Variants in GRM1 observed in about 807,000 individuals in gnomAD.
The protein encoded by GRM1 is metabotropic glutamate receptor 1.
GRM1 carries 33 observed loss-of-function variants against 90.9 expected under a neutral mutation model. That is an observed-to-expected ratio of 0.36 (90% confidence interval 0.28 to 0.49). The LOEUF is 0.49. GRM1 is among the 20% of genes least tolerant of loss of function. GRM1 has a pLI of 0.99. For synonymous variants in GRM1, 700 were observed against 613.2 expected (o/e 1.14, Z -2.09); for missense variants, 1,190 against 1,534.3 (o/e 0.78, Z 3.75).
At chr6:146,270,892 TCTTTCTTTCTTTCTTTCTTTCTTC>T (rs1321579149) in intron 2 of GRM1, among the ~76,000 whole-genome samples, 14 of 111,112 alleles carry the variant, frequency 1.3e-4, no homozygotes, top group Admixed American at 1.9e-4. Context: ...TTTCTTTCTT[TCTTTCTTTCTTTCTTTCTTTCTTC>T]CTTCCTTCCT....
intron 2 of GRM1, among the ~76,000 whole-genome samples, chr6:146,277,967 GA>G (rs1367162201): frequency 2.6e-5 from 4 of 151,998 alleles, no homozygotes; most frequent in Non-Finnish European, 5.9e-5. Flanking sequence ...TACATTAAGA[GA>G]AAAAAATTTA....
At chr6:146,295,079 C>T (rs1030472927) in intron 2 of GRM1, among the ~76,000 whole-genome samples, 1 of 152,032 alleles carries the variant, frequency 6.6e-6, no homozygotes, top group African/African-American at 2.4e-5. Context: ...CTTACCTTTC[C>T]AGTGCTCTCC....
At chr6:146,362,664 C>CAAAAAAAAAAAAAAAAAAAAAAAAAAAAA in intron 5 of GRM1, among the ~76,000 whole-genome samples, 1 of 86,198 alleles carries the variant, frequency 1.2e-5, no homozygotes. Flanking sequence ...GACTCCATCT[C>CAAAAAAAAAAAAAAAAAAAAAAAAAAAAA]AAAAAAAAAA....
intron 2 of GRM1, among the ~76,000 whole-genome samples, chr6:146,198,460 C>A (rs1188122775): frequency 2.0e-5 from 3 of 152,228 alleles, no homozygotes; most frequent in Admixed American, 6.5e-5. Flanking sequence ...GGGGGAAAGT[C>A]TCAGTGGTTG....
At chr6:146,099,374 T>TA (rs1265070117) in intron 1 of GRM1, among the ~76,000 whole-genome samples, 2 of 152,224 alleles carry the variant, frequency 1.3e-5, no homozygotes, top group East Asian at 3.9e-4. Context: ...AGACCCTGTC[T>TA]AAAAAATAAA....
intron 1 of GRM1, among the ~76,000 whole-genome samples, chr6:146,124,407 C>A (rs1776117868): frequency 6.6e-6 from 1 of 152,160 alleles, no homozygotes; most frequent in African/African-American, 2.4e-5. Flanking sequence ...CAGAGATTGT[C>A]TCTAAATTCA....
intron 2 of GRM1, among the ~76,000 whole-genome samples, chr6:146,298,033 A>G: frequency 6.6e-6 from 1 of 152,160 alleles, no homozygotes; most frequent in East Asian, 1.9e-4. Flanking sequence ...TAGTCATTGC[A>G]ATGACACTGC....
At chr6:146,151,312 A>G (rs989172500) in intron 1 of GRM1, among the ~76,000 whole-genome samples, 1 of 152,208 alleles carries the variant, frequency 6.6e-6, no homozygotes, top group African/African-American at 2.4e-5. Context: ...GTTTCCCCTG[A>G]TTTACTGATG....
At chr6:146,400,762 A>AT (rs1777130263) in intron 7 of GRM1, among the ~76,000 whole-genome samples, 1 of 152,098 alleles carries the variant, frequency 6.6e-6, no homozygotes, top group African/African-American at 2.4e-5. Flanking sequence ...CTTTCAAACA[A>AT]TCCTTTAAAA....
At chr6:146,366,042 C>A (rs1312132051) in intron 5 of GRM1, among the ~76,000 whole-genome samples, 2 of 152,150 alleles carry the variant, frequency 1.3e-5, no homozygotes, top group Admixed American at 6.6e-5. Flanking sequence ...AGAATGACAG[C>A]TCCTCAAAGG....
chr6:146,159,916 T>TAAA (rs566531460), intron 2 of GRM1: 2,020 of 66,274 alleles, frequency 0.03, 56 homozygotes, highest in African/African-American at 0.073. Context: ...ACCTTAACTA[T>TAAA]AAAAAAAAAA....
intron 1 of GRM1, among the ~76,000 whole-genome samples, chr6:146,118,543 T>G (rs1775853298): frequency 6.6e-6 from 1 of 152,222 alleles, no homozygotes; most frequent in Admixed American, 6.5e-5. Flanking sequence ...ACCCACCCAT[T>G]AACTCGTCAT....
intron 1 of GRM1, among the ~76,000 whole-genome samples, chr6:146,102,887 TC>T (rs1777097736): frequency 6.6e-6 from 1 of 152,228 alleles, no homozygotes; most frequent in Non-Finnish European, 1.5e-5. Context: ...TTTTGCAATT[TC>T]TTTTTCAATG....
intron 2 of GRM1, among the ~76,000 whole-genome samples, chr6:146,167,093 AT>A (rs1204754481): frequency 6.6e-6 from 1 of 152,110 alleles, no homozygotes; most frequent in East Asian, 1.9e-4. Flanking sequence ...CAACCACGGC[AT>A]TACACTTTGG....
At chr6:146,382,119 G>A (rs1745952470) in intron 5 of GRM1, among the ~76,000 whole-genome samples, 1 of 152,072 alleles carries the variant, frequency 6.6e-6, no homozygotes, top group Admixed American at 6.6e-5. Flanking sequence ...GGAAGTTTCA[G>A]TGAAATGTCA....
In GRM1 at chr6:146,382,911, G is replaced by A. The variant is rs139722025; in HGVS notation, c.1603-3979G>A. Among the ~76,000 whole-genome samples, 141 of 152,232 alleles carry A rather than the reference G, an allele frequency of 9.3e-4. 1 individual carries two copies. The highest frequency in any genetic ancestry group is 3.1e-3 in the African/African-American group (129 of 41,570). On this transcript the variant is annotated intron_variant, in intron 5 of 7. Coordinates refer to ENST00000282753, the MANE Select transcript of GRM1 (RefSeq NM_001278064.2). ...ACAGACTATTTGGATGATCTTGGCAGCTGTGTGCATCTTACTCTGGAGTGA... is the reference window on the plus strand; with the variant it reads ...ACAGACTATTTGGATGATCTTGGCAACTGTGTGCATCTTACTCTGGAGTGA...
chr6:146,199,753 C>T (rs978215577), intron 2 of GRM1, among the ~76,000 whole-genome samples: 14 of 152,034 alleles, frequency 9.2e-5, no homozygotes, highest in Non-Finnish European at 1.9e-4. Flanking sequence ...TATGGTGGCT[C>T]ATGCCTGTAA....
intron 1 of GRM1, among the ~76,000 whole-genome samples, chr6:146,042,760 A>G (rs1156293750): frequency 1.3e-5 from 2 of 151,976 alleles, no homozygotes; most frequent in East Asian, 3.9e-4. Context: ...TCACTATTGT[A>G]CAGCCCTCAG....
At chr6:146,371,931 G>T (rs1583403012) in intron 5 of GRM1, among the ~76,000 whole-genome samples, 1 of 152,098 alleles carries the variant, frequency 6.6e-6, no homozygotes, top group Non-Finnish European at 1.5e-5. Flanking sequence ...ACATAGGAGT[G>T]CAGATATCTC....
Sources: gnomAD v4.1 joint callset for allele counts (sites outside exome capture counted in the v4.1 genomes callset) on GRCh38, gnomAD v4.1.1 for gene constraint, MANE v1.5 for transcripts, NCBI Gene and HGNC (gene_info 2026-07-23, HGNC 2026-07-21) for gene names.